Variants in MDGA2 observed in about 807,000 individuals in gnomAD.
The protein encoded by MDGA2 is MAM domain containing glycosylphosphatidylinositol anchor 2.
A neutral mutation model predicts 117.8 loss-of-function variants in MDGA2; 40 were observed. The observed-to-expected ratio is 0.34, with a 90% confidence interval of 0.26 to 0.44. MDGA2 has a LOEUF of 0.44. Among genes scored for constraint, MDGA2 ranks in the 20% least tolerant of loss-of-function variants. MDGA2 has a pLI of 1.00. For synonymous variants in MDGA2, 452 were observed against 439.0 expected, an observed-to-expected ratio of 1.03 and a Z score of -0.37; for missense variants, 1,123 against 1,250.6, an observed-to-expected ratio of 0.90 and a Z score of 1.54.
intron 1 of MDGA2, among the ~76,000 whole-genome samples, chr14:47,539,981 C>T (rs576094318): frequency 6.6e-6 from 1 of 152,182 alleles, no homozygotes; most frequent in Non-Finnish European, 1.5e-5. Context: ...GAACTCTTTT[C>T]CTTAAAAGAG....
intron 1 of MDGA2, among the ~76,000 whole-genome samples, chr14:47,396,695 A>G (rs1428790696): frequency 6.6e-6 from 1 of 152,226 alleles, no homozygotes; most frequent in Non-Finnish European, 1.5e-5. Context: ...GACACTTCTC[A>G]AAAGAAGACA....
intron 5 of MDGA2, among the ~76,000 whole-genome samples, chr14:47,125,134 G>C (rs1027096445): frequency 2.0e-5 from 3 of 152,122 alleles, no homozygotes; most frequent in Non-Finnish European, 4.4e-5. Context: ...CAAGAGGCTA[G>C]AGAAATTCAT....
intron 1 of MDGA2, among the ~76,000 whole-genome samples, chr14:47,483,584 T>C (rs942694746): frequency 6.6e-6 from 1 of 152,156 alleles, no homozygotes; most frequent in African/African-American, 2.4e-5. Flanking sequence ...TCACACAGCA[T>C]CAAGGTCCAC....
intron 10 of MDGA2, among the ~76,000 whole-genome samples, chr14:46,898,869 A>C (rs1172894014): frequency 6.6e-6 from 1 of 152,152 alleles, no homozygotes; most frequent in Non-Finnish European, 1.5e-5. Flanking sequence ...ATAATGAAAC[A>C]GTATAAAAAT....
chr14:47,242,254 C>T (rs889108655), intron 2 of MDGA2, among the ~76,000 whole-genome samples: 1 of 151,956 alleles, frequency 6.6e-6, no homozygotes, highest in African/African-American at 2.4e-5. Context: ...ATATTAAACT[C>T]ATGAAACTGA....
At chr14:47,237,888 G>C (rs1170409667) in intron 2 of MDGA2, among the ~76,000 whole-genome samples, 1 of 152,074 alleles carries the variant, frequency 6.6e-6, no homozygotes, top group Non-Finnish European at 1.5e-5. Context: ...ATTGCAGCCA[G>C]AGTGATCCTG....
intron 1 of MDGA2, among the ~76,000 whole-genome samples, chr14:47,330,836 C>G (rs1890273069): frequency 6.6e-6 from 1 of 151,878 alleles, no homozygotes. Flanking sequence ...TCCATTTAAA[C>G]AGCTGCATTC....
chr14:47,500,148 G>A (rs1018034893), intron 1 of MDGA2, among the ~76,000 whole-genome samples: 2 of 151,906 alleles, frequency 1.3e-5, no homozygotes, highest in Non-Finnish European at 1.5e-5. Context: ...CCTTCAATTC[G>A]GTCAAAACTA....
At chr14:47,631,581 G>T (rs1009892262) in intron 1 of MDGA2, among the ~76,000 whole-genome samples, 1 of 152,046 alleles carries the variant, frequency 6.6e-6, no homozygotes, top group African/African-American at 2.4e-5. Context: ...CTGTTAGCCT[G>T]GTTTCTACCT....
intron 5 of MDGA2, among the ~76,000 whole-genome samples, chr14:47,109,449 T>C (rs1469599994): frequency 6.6e-6 from 1 of 152,198 alleles, no homozygotes; most frequent in Non-Finnish European, 1.5e-5. Flanking sequence ...CATTTGCCCC[T>C]ATGCTTTCAC....
chr14:47,132,627 G>T (rs1232581929), intron 4 of MDGA2, among the ~76,000 whole-genome samples: 1 of 151,828 alleles, frequency 6.6e-6, no homozygotes, highest in Admixed American at 6.6e-5. Context: ...ACAACAAAAC[G>T]TAGTCTCCTG....
At chr14:47,369,381 T>TA (rs1247900215) in intron 1 of MDGA2, among the ~76,000 whole-genome samples, 2 of 152,052 alleles carry the variant, frequency 1.3e-5, no homozygotes, top group Non-Finnish European at 2.9e-5. Flanking sequence ...AAAACTTCCT[T>TA]AAAAAAAGTT....
chr14:47,342,774 A>G (rs1157043318), intron 1 of MDGA2, among the ~76,000 whole-genome samples: 1 of 152,186 alleles, frequency 6.6e-6, no homozygotes, highest in African/African-American at 2.4e-5. Context: ...ATTGTCCTAG[A>G]TTTAGGCAGA....
At chr14:46,959,251 ATGTGTGTG>A (rs3985119) in intron 8 of MDGA2, among the ~76,000 whole-genome samples, 9,712 of 140,064 alleles carry the variant, frequency 0.069, 357 homozygotes, top group South Asian at 0.099. Context: ...AATGCTATAT[ATGTGTGTG>A]TGTGTGTGTG....
rs146626379 is a variant in MDGA2 at position 47,616,757 on chromosome 14, G to A, written c.280+57760C>T. ...ATAAATGCATTTTCCATATTTGTAT[G>A]AGCTCATATATAAAATGTTCACAAG... On this transcript the variant is annotated intron_variant, in intron 1 of 16. Coordinates refer to ENST00000399232, the MANE Select transcript of MDGA2 (RefSeq NM_001113498.3). 5.1e-3 allele frequency among the ~76,000 whole-genome samples: 775 copies of A among 152,178 alleles called. 7 individuals are homozygous for A. The highest frequency in any genetic ancestry group is 0.018 in the African/African-American group (733 of 41,516).
At chr14:47,105,134 G>A (rs1013742562) in intron 5 of MDGA2, among the ~76,000 whole-genome samples, 15 of 151,946 alleles carry the variant, frequency 9.9e-5, no homozygotes, top group East Asian at 9.7e-4. Context: ...CACCCTTAGC[G>A]GCAAGTCCCG....
chr14:47,536,849 A>C (rs1034994580), intron 1 of MDGA2, among the ~76,000 whole-genome samples: 1 of 152,236 alleles, frequency 6.6e-6, no homozygotes, highest in Non-Finnish European at 1.5e-5. Context: ...TAGTTTTAAT[A>C]GCTAAGCATA....
intron 2 of MDGA2, among the ~76,000 whole-genome samples, chr14:47,256,725 C>T (rs1035310786): frequency 1.3e-5 from 2 of 151,086 alleles, no homozygotes; most frequent in South Asian, 2.1e-4. Flanking sequence ...GGAAGGAAAT[C>T]GAATAACACT....
chr14:47,525,033 A>C (rs943118892), intron 1 of MDGA2, among the ~76,000 whole-genome samples: 2 of 152,210 alleles, frequency 1.3e-5, no homozygotes, highest in Non-Finnish European at 2.9e-5. Flanking sequence ...CCAGTTTAAA[A>C]ATCTCAATGA....
Sources: allele counts gnomAD v4.1 joint callset (sites outside exome capture counted in the v4.1 genomes callset), GRCh38; gene constraint gnomAD v4.1.1; transcripts MANE v1.5; gene names NCBI Gene and HGNC (gene_info 2026-07-23, HGNC 2026-07-21).